Variants in PLB1 observed in about 807,000 individuals in gnomAD.
The protein encoded by PLB1 is phospholipase B1.
Under a neutral mutation model 227.4 loss-of-function variants are expected in PLB1, and 242 were observed. That is an observed-to-expected ratio of 1.06 (90% confidence interval 0.96 to 1.18). The LOEUF (loss-of-function observed/expected upper bound fraction) is 1.18, where lower values mean the gene tolerates loss of function less well. Ranked by LOEUF, PLB1 falls within the 50% of genes most tolerant of loss-of-function variation. The probability of loss-of-function intolerance (pLI) is 0.00; values close to 1 mark genes in which losing one functional copy is unlikely to be tolerated. For missense variants in PLB1, 1,858 were observed against 1,816.3 expected (o/e 1.02, Z -0.42); for synonymous variants, 757 against 682.2 (o/e 1.11, Z -1.71).
At position 28,504,213 on chromosome 2, in the gene PLB1, A is replaced by G. The variant is rs551054790; in HGVS notation, c.55+8044A>G. On this transcript the variant is annotated intron_variant, in intron 1 of 57. Coordinates refer to ENST00000327757, the MANE Select transcript of PLB1 (RefSeq NM_153021.5). ...GTCTCTTCACCTCTCTACCAACTTT[A>G]CCATCTTCTTGTCTTTCTACACTGC... 3.3e-5 allele frequency among the ~76,000 whole-genome samples: 5 copies of G among 152,144 alleles called. No homozygotes were observed. In the South Asian group the frequency reaches 1.0e-3, roughly 32 times the overall value.
At chr2:28,566,705 C>T in intron 19 of PLB1, 91 bp from the exon 20 acceptor site, 1 of 1,442,230 alleles carries the variant, frequency 6.9e-7, no homozygotes. Flanking sequence ...GGCTGTTTCT[C>T]GGGAGACGGG....
rs936926377 is a variant in PLB1, at chr2:28,593,821, C to T, written c.2321+67C>T. 9.7e-5 allele frequency: 135 copies of T among 1,388,808 alleles called. 2 individuals are homozygous for T. The Admixed American group carries it at 2.3e-3, about 24-fold the overall frequency. 86.0% of individuals were successfully genotyped at this position (1,388,808 alleles called of 1,614,324 possible). A position where few individuals can be genotyped will look rare whatever the true frequency, so the allele number is the denominator to read the frequency against. ...CAGAGATTAGGTGTGGCTTTGTCTCCTGTAAATATGTAAATCCCAGAGGTC... is the reference window on the plus strand; with the variant it reads ...CAGAGATTAGGTGTGGCTTTGTCTCTTGTAAATATGTAAATCCCAGAGGTC... On this transcript the variant is annotated intron_variant, in intron 33 of 57. Transcript: ENST00000327757.
At chr2:28,614,006 C>G in intron 43 of PLB1, 25 bp from the exon 44 acceptor site, 2 of 1,589,100 alleles carry the variant, frequency 1.3e-6, no homozygotes, top group Non-Finnish European at 1.7e-6. Flanking sequence ...CAGATAACTT[C>G]TCCATGTGTT....
At chr2:28,510,016 C>T (rs779992390) in intron 1 of PLB1, among the ~76,000 whole-genome samples, 5 of 152,180 alleles carry the variant, frequency 3.3e-5, no homozygotes, top group African/African-American at 4.8e-5. Flanking sequence ...TGTGACACCC[C>T]AGAGCAGTTA....
intron 56 of PLB1, among the ~76,000 whole-genome samples, chr2:28,637,894 C>T (rs905148664): frequency 2.6e-5 from 4 of 152,198 alleles, no homozygotes; most frequent in African/African-American, 4.8e-5. Flanking sequence ...TCATTTGCTA[C>T]GTGGTTGGTA....
chr2:28,589,811 A>T, intron 28 of PLB1, 41 bp downstream of exon 28: 1 of 1,576,422 alleles, frequency 6.3e-7, no homozygotes, highest in Non-Finnish European at 8.7e-7. Context: ...CCCTCTGGTA[A>T]GAAAAAGACT....
intron 9 of PLB1, among the ~76,000 whole-genome samples, chr2:28,537,397 A>G (rs990019009): frequency 1.3e-5 from 2 of 152,106 alleles, no homozygotes; most frequent in East Asian, 1.9e-4. Context: ...TTTCACATTG[A>G]AAAGGTAAAG....
chr2:28,508,185 G>A (rs1000531034), intron 1 of PLB1, among the ~76,000 whole-genome samples: 3 of 152,210 alleles, frequency 2.0e-5, no homozygotes, highest in African/African-American at 7.2e-5. Flanking sequence ...GGAGAATCCA[G>A]TTCTACACAT....
At chr2:28,519,790 G>A (rs373466243) in intron 4 of PLB1, 27 bp downstream of exon 4, 135 of 1,589,658 alleles carry the variant, frequency 8.5e-5, no homozygotes, top group Admixed American at 4.2e-4. Context: ...GCTTGGGGCA[G>A]GAGACAGAGT....
At chr2:28,608,689 C>T (rs1037601408) in intron 43 of PLB1, among the ~76,000 whole-genome samples, 3 of 152,198 alleles carry the variant, frequency 2.0e-5, no homozygotes, top group African/African-American at 7.2e-5. Context: ...TGGCTGAACA[C>T]CTGGTCCTTT....
chr2:28,496,218 G>C (rs373914566), intron 1 of PLB1, 49 bp downstream of exon 1: 4 of 1,571,102 alleles, frequency 2.5e-6, no homozygotes, highest in Admixed American at 3.4e-5. Context: ...AGCCCCGCTG[G>C]TGTCCCATGT....
At chr2:28,587,780 G>A (rs1480186652) in intron 26 of PLB1, among the ~76,000 whole-genome samples, 1 of 152,122 alleles carries the variant, frequency 6.6e-6, no homozygotes, top group Non-Finnish European at 1.5e-5. Flanking sequence ...ACATACCCAC[G>A]CCCTGGCTGC....
chr2:28,640,047 C>T (rs544240475), intron 56 of PLB1, among the ~76,000 whole-genome samples: 6 of 152,300 alleles, frequency 3.9e-5, no homozygotes, highest in Admixed American at 2.6e-4. Context: ...TACTAAGGAA[C>T]GGGTGTAAAA....
rs1330416825 is a variant in PLB1 at position 28,602,823 on chromosome 2, G to T, written c.2676G>T (p.Val892=). ...RNALDVLHRE[V]PRVLVNLVDF... ...CTCATCTGCAGCTTTTCCCTTAGGT[G>T]CCCAGAGTCCTGGTCAACCTCGTGG... The change falls in exon 39 of 58, where the codon GTG becomes GTT. Residue 892 remains valine, a splice_region_variant and synonymous_variant. Transcript: ENST00000327757. 5.0e-6 allele frequency: 8 copies of T among 1,613,844 alleles called. No individual in the cohort carries two copies. The highest frequency in any genetic ancestry group is 6.8e-6 in the Non-Finnish European group (8 of 1,179,856).
At chr2:28,545,482 C>T (rs557809917) in intron 14 of PLB1, among the ~76,000 whole-genome samples, 5 of 152,268 alleles carry the variant, frequency 3.3e-5, no homozygotes, top group South Asian at 2.1e-4. Context: ...CAGGTTAGGG[C>T]GAAGGGCACT....
chr2:28,601,133 G>C, intron 36 of PLB1, 119 bp from the exon 37 acceptor site: 1 of 873,692 alleles, frequency 1.1e-6, no homozygotes, highest in South Asian at 1.5e-5. Flanking sequence ...GTTCAGAGAT[G>C]CTGATTCCAT....
At chr2:28,547,730 G>C (rs1673513427) in intron 14 of PLB1, among the ~76,000 whole-genome samples, 1 of 152,126 alleles carries the variant, frequency 6.6e-6, no homozygotes, top group Non-Finnish European at 1.5e-5. Context: ...CAGTAAAACT[G>C]GTTCTCCAAC....
At position 28,590,081 on chromosome 2, in the gene PLB1, A is replaced by T; in HGVS notation, c.2088+5A>T. ...AATATCACATGTCCGAACCAGGTAG[A>T]GTGGAAAGCACGTCCTTCCAGGCTC... On this transcript the variant is annotated splice_donor_5th_base_variant and intron_variant, in intron 29 of 57. Transcript: ENST00000327757. 6.2e-7 allele frequency: 1 copy of T among 1,608,448 alleles called. No individual in the cohort carries two copies. The highest frequency in any genetic ancestry group is 1.1e-5 in the South Asian group (1 of 90,966).
chr2:28,555,819 C>A (rs1674985245), intron 17 of PLB1, among the ~76,000 whole-genome samples: 1 of 148,130 alleles, frequency 6.8e-6, no homozygotes, highest in Non-Finnish European at 1.5e-5. Flanking sequence ...CTAGGAATAT[C>A]TTTTACAATA....
Sources: allele counts gnomAD v4.1 joint callset (sites outside exome capture counted in the v4.1 genomes callset), GRCh38; gene constraint gnomAD v4.1.1; transcripts MANE v1.5; gene names NCBI Gene and HGNC (gene_info 2026-07-23, HGNC 2026-07-21).